MCC: variants seen among roughly 807,000 people sequenced by gnomAD.
MCC encodes MCC regulator of Wnt signaling pathway.
Under a neutral mutation model 116.2 loss-of-function variants are expected in MCC, and 90 were observed. The ratio of observed to expected loss-of-function variants is 0.77; its 90% CI spans 0.65 to 0.92. The LOEUF (loss-of-function observed/expected upper bound fraction) is 0.92, where lower values mean the gene tolerates loss of function less well. Ranked by LOEUF, MCC falls within the 40% of genes least tolerant of loss-of-function variation. MCC has a pLI of 0.00. For missense variants in MCC, 1,516 were observed against 1,312.2 expected (o/e 1.16, Z -2.40); for synonymous variants, 578 against 510.5 (o/e 1.13, Z -1.78).
chr5:113,165,217 C>T (rs1157973097), intron 3 of MCC, among the ~76,000 whole-genome samples: 1 of 152,218 alleles, frequency 6.6e-6, no homozygotes, highest in Non-Finnish European at 1.5e-5. Context: ...GACAGCGCTC[C>T]AGCTCTTTTC....
rs1753410432 is a variant in MCC at position 113,064,030 on chromosome 5, A to T, written c.2167T>A (p.Cys723Ser). 2 of 1,614,048 alleles carry T rather than the reference A, an allele frequency of 1.2e-6. No homozygotes were observed. Among genetic ancestry groups the T allele is most frequent in the Non-Finnish European group, 1.7e-6 (2 of 1,180,016 alleles). ...AGGCTCTCCCAGGGCTGCACGCTGCAGCCGGCCACGGCAAAGGCTCCCCCA... is the reference window on the plus strand; with the variant it reads ...AGGCTCTCCCAGGGCTGCACGCTGCTGCCGGCCACGGCAAAGGCTCCCCCA... ...SCGGAFAVAG[C>S]SVQPWESLSS... Residue 723 changes from cysteine (C) to serine (S), a missense_variant, in exon 14 of 19, where the codon TGC becomes AGC. Transcript: ENST00000408903.
chr5:113,488,032 G>C (rs528370464), intron 1 of MCC, among the ~76,000 whole-genome samples: 28 of 152,222 alleles, frequency 1.8e-4, no homozygotes, highest in African/African-American at 6.5e-4. Context: ...GCTGGGAAAA[G>C]TTGGACCAAC....
chr5:113,352,665 G>C (rs997646511), intron 2 of MCC, among the ~76,000 whole-genome samples: 1 of 142,076 alleles, frequency 7.0e-6, no homozygotes, highest in African/African-American at 2.8e-5. Context: ...CATCAGCACG[G>C]GGGGCAGTGG....
At position 113,029,178 on chromosome 5, in the gene MCC, A is replaced by C. The variant is rs1580871764; in HGVS notation, c.2757-122T>G. On this transcript the variant is annotated intron_variant, in intron 17 of 18. Coordinates refer to ENST00000408903, the MANE Select transcript of MCC (RefSeq NM_001085377.2). ...CTTGCAAAGCCTAAAGGCAAGGGAGAGAAAAGATACTAAAGGGCCCAACAG... is the reference window on the plus strand; with the variant it reads ...CTTGCAAAGCCTAAAGGCAAGGGAGCGAAAAGATACTAAAGGGCCCAACAG... 3.2e-6 allele frequency: 3 copies of C among 924,724 alleles called. No individual in the cohort carries two copies. In the East Asian group the frequency reaches 8.4e-5, roughly 26 times the overall value. The allele number at this position is 924,724 out of a possible 1,614,324, so 57.3% of individuals were successfully genotyped here. A position where few individuals can be genotyped will look rare whatever the true frequency, so the allele number is the denominator to read the frequency against.
chr5:113,230,641 T>A (rs1025527079), intron 3 of MCC, among the ~76,000 whole-genome samples: 4 of 152,116 alleles, frequency 2.6e-5, no homozygotes, highest in African/African-American at 4.8e-5. Context: ...ATTAACATAG[T>A]CTAATTTGGA....
intron 1 of MCC, among the ~76,000 whole-genome samples, chr5:113,480,045 T>A (rs1004145560): frequency 6.6e-6 from 1 of 152,242 alleles, no homozygotes. Flanking sequence ...TTCAAGTGAC[T>A]CTTTCAACCC....
At chr5:113,153,664 G>A (rs116788083) in intron 3 of MCC, among the ~76,000 whole-genome samples, 134 of 152,306 alleles carry the variant, frequency 8.8e-4, no homozygotes, top group African/African-American at 3.1e-3. Flanking sequence ...TGGGATGCAT[G>A]CATATTTTCC....
rs139523203 is a variant in MCC, at chr5:113,199,404, A to G, written c.628-47982T>C. On this transcript the variant is annotated intron_variant, in intron 3 of 18. Transcript: ENST00000408903. ...TGCCAAATCTAAAAACAATGTGGGTAGTTTATATAAGGGGTCCTGAACCTG... is the reference window on the plus strand; with the variant it reads ...TGCCAAATCTAAAAACAATGTGGGTGGTTTATATAAGGGGTCCTGAACCTG... 2.1e-4 allele frequency among the ~76,000 whole-genome samples: 32 copies of G among 152,304 alleles called. No individual in the cohort carries two copies. In the East Asian group the frequency reaches 6.2e-3, roughly 29 times the overall value.
chr5:113,130,218 C>T (rs1214256759), intron 5 of MCC, among the ~76,000 whole-genome samples: 2 of 152,126 alleles, frequency 1.3e-5, no homozygotes, highest in African/African-American at 4.8e-5. Flanking sequence ...CCATCATTCT[C>T]AGCAAACTAA....
chr5:113,180,612 A>T (rs936599846), intron 3 of MCC, among the ~76,000 whole-genome samples: 1 of 152,186 alleles, frequency 6.6e-6, no homozygotes, highest in Non-Finnish European at 1.5e-5. Context: ...GCTTACTGAC[A>T]TGAGAGAAGT....
At chr5:113,057,022 T>C (rs1245362977) in intron 14 of MCC, among the ~76,000 whole-genome samples, 1 of 152,070 alleles carries the variant, frequency 6.6e-6, no homozygotes, top group Non-Finnish European at 1.5e-5. Flanking sequence ...TCCAGTGACA[T>C]CAGGGTGGAC....
intron 12 of MCC, among the ~76,000 whole-genome samples, chr5:113,069,878 G>A (rs116675450): frequency 0.054 from 8,249 of 152,270 alleles, 283 homozygotes; most frequent in East Asian, 0.11. Context: ...GAGCCACCGC[G>A]CCCAGCGTCA....
chr5:113,069,238 A>T (rs1753852635), intron 12 of MCC, among the ~76,000 whole-genome samples: 2 of 152,252 alleles, frequency 1.3e-5, no homozygotes, highest in African/African-American at 2.4e-5. Flanking sequence ...AAAATGTCTC[A>T]TGAAACATTC....
At chr5:113,444,171 AC>A (rs756625686) in intron 1 of MCC, among the ~76,000 whole-genome samples, 3 of 152,078 alleles carry the variant, frequency 2.0e-5, no homozygotes, top group African/African-American at 4.8e-5. Context: ...AATATGAAAA[AC>A]ATTCTTACCT....
intron 8 of MCC, among the ~76,000 whole-genome samples, chr5:113,100,050 T>C (rs1326762635): frequency 6.6e-6 from 1 of 152,196 alleles, no homozygotes; most frequent in Admixed American, 6.5e-5. Context: ...CTGACTGGGA[T>C]GATTTACACC....
chr5:113,114,237 A>C (rs947840105), intron 6 of MCC, among the ~76,000 whole-genome samples: 1 of 152,234 alleles, frequency 6.6e-6, no homozygotes, highest in African/African-American at 2.4e-5. Flanking sequence ...TAAAATAAAA[A>C]GTTGAGAAAA....
At chr5:113,139,959 A>T (rs1324068804) in intron 5 of MCC, among the ~76,000 whole-genome samples, 4 of 152,086 alleles carry the variant, frequency 2.6e-5, no homozygotes, top group Non-Finnish European at 5.9e-5. Flanking sequence ...CTGCATAGCA[A>T]AAGAAACTAT....
chr5:113,224,576 A>G (rs541717255), intron 3 of MCC, among the ~76,000 whole-genome samples: 2 of 152,316 alleles, frequency 1.3e-5, no homozygotes, highest in South Asian at 2.1e-4. Context: ...GAAGATCAGA[A>G]GACTTTAAAG....
chr5:113,099,227 T>C (rs539971075), intron 8 of MCC, among the ~76,000 whole-genome samples: 139 of 152,364 alleles, frequency 9.1e-4, no homozygotes, highest in African/African-American at 3.3e-3. Flanking sequence ...TAACATTATT[T>C]GAAGGTAACT....
Sources: allele counts gnomAD v4.1 joint callset (sites outside exome capture counted in the v4.1 genomes callset), GRCh38; gene constraint gnomAD v4.1.1; transcripts MANE v1.5; gene names NCBI Gene and HGNC (gene_info 2026-07-23, HGNC 2026-07-21).